MECOM: variants seen among roughly 807,000 people sequenced by gnomAD.
MECOM encodes MDS1 and EVI1 complex locus.
A neutral mutation model predicts 116.3 loss-of-function variants in MECOM; 13 were observed. That is an observed-to-expected ratio of 0.11 (90% CI 0.07 to 0.18). The LOEUF (loss-of-function observed/expected upper bound fraction) is 0.18. MECOM is among the 10% of genes least tolerant of loss of function. The probability of loss-of-function intolerance (pLI) is 1.00; values close to 1 mark genes in which losing one functional copy is unlikely to be tolerated. For synonymous variants in MECOM, 528 were observed against 535.2 expected (o/e 0.99, Z 0.19); for missense variants, 1,299 against 1,509.0 (o/e 0.86, Z 2.31).
chr3:169,425,596 C>G (rs1376425098), intron 1 of MECOM, among the ~76,000 whole-genome samples: 1 of 152,004 alleles, frequency 6.6e-6, no homozygotes, highest in Non-Finnish European at 1.5e-5. Flanking sequence ...GTATGTCCGA[C>G]CACTATATTA....
At chr3:169,645,525 A>G (rs1040806864) in intron 1 of MECOM, among the ~76,000 whole-genome samples, 1 of 152,200 alleles carries the variant, frequency 6.6e-6, no homozygotes, top group African/African-American at 2.4e-5. Context: ...CTCCTTAGAA[A>G]TGGCCACCAG....
intron 2 of MECOM, among the ~76,000 whole-genome samples, chr3:169,181,574 A>G (rs1229444478): frequency 3.9e-5 from 6 of 152,170 alleles, no homozygotes; most frequent in Non-Finnish European, 5.9e-5. Flanking sequence ...CCAGACTTCA[A>G]TTATGCCTCA....
At chr3:169,158,969 A>C (rs1049102592) in intron 2 of MECOM, among the ~76,000 whole-genome samples, 2 of 152,182 alleles carry the variant, frequency 1.3e-5, no homozygotes, top group Admixed American at 1.3e-4. Flanking sequence ...ACCTAGGAAG[A>C]AGTGCCAGTC....
chr3:169,313,541 A>T (rs1352831133), intron 2 of MECOM, among the ~76,000 whole-genome samples: 1 of 152,220 alleles, frequency 6.6e-6, no homozygotes, highest in Admixed American at 6.5e-5. Flanking sequence ...TTCACCTTAC[A>T]CTAGAGCAAG....
At chr3:169,357,989 A>G (rs1381181900) in intron 2 of MECOM, among the ~76,000 whole-genome samples, 2 of 151,806 alleles carry the variant, frequency 1.3e-5, no homozygotes, top group African/African-American at 4.8e-5. Flanking sequence ...GAATTTTGGA[A>G]CCATGTGTTA....
chr3:169,214,110 C>T (rs1751121751), intron 2 of MECOM, among the ~76,000 whole-genome samples: 1 of 152,086 alleles, frequency 6.6e-6, no homozygotes, highest in Admixed American at 6.6e-5. Flanking sequence ...CTTTCAATTG[C>T]TAAAGCATTT....
chr3:169,170,496 T>C (rs1401342501), intron 2 of MECOM, among the ~76,000 whole-genome samples: 2 of 152,068 alleles, frequency 1.3e-5, no homozygotes, highest in Admixed American at 1.3e-4. Context: ...ATGTACTTAA[T>C]TGTAGCAAGT....
chr3:169,318,258 G>A (rs60809419), intron 2 of MECOM, among the ~76,000 whole-genome samples: 79,534 of 152,024 alleles, frequency 0.52, 22,342 homozygotes, highest in East Asian at 0.83. Context: ...CACAAAAGCC[G>A]AAATACATAA....
At chr3:169,246,029 C>T (rs1310269422) in intron 2 of MECOM, among the ~76,000 whole-genome samples, 1 of 152,056 alleles carries the variant, frequency 6.6e-6, no homozygotes, top group East Asian at 1.9e-4. Context: ...GATATTGACC[C>T]TGATTCTGAT....
intron 1 of MECOM, among the ~76,000 whole-genome samples, chr3:169,460,335 A>G (rs1220411048): frequency 6.6e-6 from 1 of 152,186 alleles, no homozygotes; most frequent in African/African-American, 2.4e-5. Context: ...GAATTCTTAA[A>G]AAGTCAGTTT....
intron 12 of MECOM, among the ~76,000 whole-genome samples, chr3:169,097,913 G>A (rs1160018415): frequency 6.7e-6 from 1 of 149,212 alleles, no homozygotes; most frequent in Non-Finnish European, 1.5e-5. Context: ...TTCTACATAG[G>A]GACCATGTTT....
intron 1 of MECOM, among the ~76,000 whole-genome samples, chr3:169,441,812 C>G (rs1382024806): frequency 6.7e-6 from 1 of 150,156 alleles, no homozygotes; most frequent in African/African-American, 2.4e-5. Flanking sequence ...TGCACTGCAA[C>G]CTCCACCTCT....
chr3:169,651,779 G>T (rs976782383), intron 1 of MECOM, among the ~76,000 whole-genome samples: 2 of 151,562 alleles, frequency 1.3e-5, no homozygotes, highest in Non-Finnish European at 2.9e-5. Flanking sequence ...AGTAACCTAC[G>T]AAGAAGAAAA....
chr3:169,222,494 C>T (rs1752245877), intron 2 of MECOM, among the ~76,000 whole-genome samples: 1 of 152,050 alleles, frequency 6.6e-6, no homozygotes, highest in Admixed American at 6.5e-5. Flanking sequence ...ATTAACTTTC[C>T]AAAATAAAAA....
At chr3:169,241,392 T>C (rs1297744440) in intron 2 of MECOM, among the ~76,000 whole-genome samples, 1 of 152,080 alleles carries the variant, frequency 6.6e-6, no homozygotes, top group Non-Finnish European at 1.5e-5. Flanking sequence ...CTTAGAAACA[T>C]AATTAACTGA....
At chr3:169,356,418 T>A (rs1451861486) in intron 2 of MECOM, among the ~76,000 whole-genome samples, 1 of 151,908 alleles carries the variant, frequency 6.6e-6, no homozygotes, top group African/African-American at 2.4e-5. Flanking sequence ...CTTGTGGATG[T>A]TTTAACAAAA....
intron 2 of MECOM, among the ~76,000 whole-genome samples, chr3:169,340,857 C>G (rs1724379950): frequency 6.6e-6 from 1 of 152,032 alleles, no homozygotes; most frequent in African/African-American, 2.4e-5. Context: ...ATAAAAGAGC[C>G]TGACAGGTAA....
chr3:169,509,495 GCATTTCCTCCTGCCTCCTCCCC>G (rs1360926552), intron 1 of MECOM, among the ~76,000 whole-genome samples: 1 of 152,020 alleles, frequency 6.6e-6, no homozygotes, highest in Non-Finnish European at 1.5e-5. Flanking sequence ...CAATAACTCT[GCATTTCCTCCTGCCTCCTCCCC>G]CATTTCCTCC....
intron 1 of MECOM, among the ~76,000 whole-genome samples, chr3:169,412,665 T>A (rs1737754562): frequency 1.3e-5 from 2 of 152,186 alleles, no homozygotes. Flanking sequence ...ATTATAATAA[T>A]GTTTGACTTC....
Sources: allele counts gnomAD v4.1 joint callset (sites outside exome capture counted in the v4.1 genomes callset), GRCh38; gene constraint gnomAD v4.1.1; transcripts MANE v1.5; gene names NCBI Gene and HGNC (gene_info 2026-07-23, HGNC 2026-07-21).